Variants in ASIC2 observed in about 807,000 individuals in gnomAD.
The protein encoded by ASIC2 is acid-sensing ion channel 2.
Under a neutral mutation model 57.3 loss-of-function variants are expected in ASIC2, and 25 were observed. The ratio of observed to expected loss-of-function variants is 0.44; its 90% CI spans 0.32 to 0.61. ASIC2 has a LOEUF of 0.61. Ranked by LOEUF, ASIC2 falls within the 20% of genes least tolerant of loss-of-function variation. ASIC2 has a pLI of 0.06. For missense variants in ASIC2, 641 were observed against 738.1 expected (o/e 0.87, Z 1.52); for synonymous variants, 319 against 307.5 (o/e 1.04, Z -0.39).
At chr17:33,158,999 C>T (rs1394923910) in intron 1 of ASIC2, among the ~76,000 whole-genome samples, 3 of 152,202 alleles carry the variant, frequency 2.0e-5, no homozygotes, top group Non-Finnish European at 2.9e-5. Context: ...CACACCCCCA[C>T]CACACCTGAG....
intron 3 of ASIC2, among the ~76,000 whole-genome samples, chr17:33,058,137 C>T (rs2092005317): frequency 6.6e-6 from 1 of 152,034 alleles, no homozygotes; most frequent in African/African-American, 2.4e-5. Context: ...TAATTTTGAC[C>T]AGGAGATAAT....
At chr17:33,781,209 T>G (rs1165796557) in intron 1 of ASIC2, among the ~76,000 whole-genome samples, 2 of 152,228 alleles carry the variant, frequency 1.3e-5, no homozygotes, top group Non-Finnish European at 2.9e-5. Flanking sequence ...TAATCTTCAC[T>G]GCCTGCTGCT....
chr17:33,621,130 C>T (rs1905779736), intron 1 of ASIC2, among the ~76,000 whole-genome samples: 1 of 152,310 alleles, frequency 6.6e-6, no homozygotes, highest in Non-Finnish European at 1.5e-5. Flanking sequence ...AGCACCACCC[C>T]AGCCATTCCC....
chr17:33,157,994 C>A (rs1242656563), intron 1 of ASIC2, among the ~76,000 whole-genome samples: 1 of 152,214 alleles, frequency 6.6e-6, no homozygotes, highest in Non-Finnish European at 1.5e-5. Context: ...TGTTCCTCCC[C>A]CAGCATTGAC....
chr17:33,120,716 G>A (rs2141996494), intron 1 of ASIC2, among the ~76,000 whole-genome samples: 1 of 152,338 alleles, frequency 6.6e-6, no homozygotes, highest in East Asian at 1.9e-4. Flanking sequence ...GGGTTTGATG[G>A]AAATTTCAAA....
At chr17:33,056,404 C>T (rs1257739117) in intron 3 of ASIC2, among the ~76,000 whole-genome samples, 1 of 152,202 alleles carries the variant, frequency 6.6e-6, no homozygotes, top group Non-Finnish European at 1.5e-5. Context: ...TTGACCATAA[C>T]CCCTGACAGT....
chr17:33,144,153 CAAACAAA>C (rs1338135240), intron 1 of ASIC2, among the ~76,000 whole-genome samples: 1 of 132,046 alleles, frequency 7.6e-6, no homozygotes, highest in Non-Finnish European at 1.6e-5. Context: ...AAAAAACAAA[CAAACAAA>C]AAAAAAAACG....
intron 1 of ASIC2, among the ~76,000 whole-genome samples, chr17:33,857,527 G>A (rs1224824611): frequency 1.3e-5 from 2 of 152,190 alleles, no homozygotes; most frequent in African/African-American, 4.8e-5. Context: ...ACAAAAGGAA[G>A]TGAGAAGTCT....
rs1293999893 is a variant in ASIC2 at position 33,781,321 on chromosome 17, T to A, written c.555+374657A>T. Among the ~76,000 whole-genome samples, 6 of 152,338 alleles carry A rather than the reference T, an allele frequency of 3.9e-5. No homozygotes were observed. The East Asian group carries it at 1.2e-3, about 29-fold the overall frequency. Reference sequence around the variant, plus strand: ...GCATTTCTGAGTGGCTGGCTACGTGTCTTTTTGTTTTGCTCAGGTGTCTGT... The same window carrying A: ...GCATTTCTGAGTGGCTGGCTACGTGACTTTTTGTTTTGCTCAGGTGTCTGT... On this transcript the variant is annotated intron_variant, in intron 1 of 9. Coordinates refer to the ASIC2 transcript ENST00000359872.
intron 1 of ASIC2, among the ~76,000 whole-genome samples, chr17:33,930,672 T>C (rs1156304617): frequency 1.3e-5 from 2 of 152,220 alleles, no homozygotes; most frequent in Non-Finnish European, 2.9e-5. Context: ...CTCTCTACCC[T>C]GAGGGATGAA....
chr17:33,586,536 G>A (rs779486516), intron 1 of ASIC2, among the ~76,000 whole-genome samples: 7 of 152,128 alleles, frequency 4.6e-5, no homozygotes, highest in South Asian at 2.1e-4. Flanking sequence ...AAGACCCTGC[G>A]TGATCTGGAC....
At chr17:33,646,504 G>T (rs1366247812) in intron 1 of ASIC2, among the ~76,000 whole-genome samples, 1 of 152,198 alleles carries the variant, frequency 6.6e-6, no homozygotes, top group Non-Finnish European at 1.5e-5. Context: ...AGACGAGTGT[G>T]CTCTTGGGGA....
intron 1 of ASIC2, among the ~76,000 whole-genome samples, chr17:33,313,297 T>C (rs1159636070): frequency 2.0e-5 from 3 of 150,522 alleles, no homozygotes; most frequent in Non-Finnish European, 4.4e-5. Context: ...CACTGCACTC[T>C]GCCCTGGGAA....
intron 1 of ASIC2, among the ~76,000 whole-genome samples, chr17:33,615,190 AT>A (rs1325460847): frequency 6.6e-6 from 1 of 152,230 alleles, no homozygotes; most frequent in African/African-American, 2.4e-5. Context: ...TGGAATGGCC[AT>A]TTCTATGGAA....
At chr17:33,841,791 C>T (rs1183833602) in intron 1 of ASIC2, among the ~76,000 whole-genome samples, 1 of 152,130 alleles carries the variant, frequency 6.6e-6, no homozygotes, top group Non-Finnish European at 1.5e-5. Flanking sequence ...AAATCCCTAT[C>T]AACCTCAATA....
At chr17:33,399,628 G>A (rs1031255689) in intron 1 of ASIC2, among the ~76,000 whole-genome samples, 8 of 152,206 alleles carry the variant, frequency 5.3e-5, no homozygotes, top group African/African-American at 1.9e-4. Flanking sequence ...CTATGAATCA[G>A]CTTCTGCTTT....
At chr17:33,123,273 A>C (rs762237591) in intron 1 of ASIC2, among the ~76,000 whole-genome samples, 4 of 152,260 alleles carry the variant, frequency 2.6e-5, no homozygotes, top group Non-Finnish European at 5.9e-5. Context: ...GAACTTTAAA[A>C]GGTGGTATAG....
At chr17:33,998,541 T>C (rs74791893) in intron 1 of ASIC2, among the ~76,000 whole-genome samples, 4,062 of 152,250 alleles carry the variant, frequency 0.027, 186 homozygotes, top group African/African-American at 0.093. Flanking sequence ...TGTTTTTCTG[T>C]ATCCCATAAG....
intron 1 of ASIC2, among the ~76,000 whole-genome samples, chr17:33,179,204 G>A (rs1196341920): frequency 2.0e-5 from 3 of 152,136 alleles, no homozygotes; most frequent in African/African-American, 7.2e-5. Flanking sequence ...TTTAATGGAA[G>A]GAAACCAGCT....
Sources: allele counts gnomAD v4.1 joint callset (sites outside exome capture counted in the v4.1 genomes callset), GRCh38; gene constraint gnomAD v4.1.1; transcripts MANE v1.5; gene names NCBI Gene and HGNC (gene_info 2026-07-23, HGNC 2026-07-21).